The following TMEM144 variants were observed in gnomAD, a reference collection of about 807,000 sequenced individuals.
TMEM144 encodes transmembrane protein 144.
In TMEM144, 39 loss-of-function variants were observed where a neutral mutation model predicts 43.6. That is an observed-to-expected ratio of 0.90 (90% CI 0.69 to 1.17). TMEM144 has a LOEUF of 1.17. Among genes scored for constraint, TMEM144 ranks in the 50% most tolerant of loss-of-function variants. The pLI is 0.00. For synonymous variants in TMEM144, 154 were observed against 133.6 expected, an observed-to-expected ratio of 1.15 and a Z score of -1.06; for missense variants, 417 against 411.9, an observed-to-expected ratio of 1.01 and a Z score of -0.11.
chr4:158,244,419 C>T, intron 12 of TMEM144, 70 bp downstream of exon 12: 2 of 1,333,706 alleles, frequency 1.5e-6, no homozygotes, highest in Non-Finnish European at 2.1e-6. Context: ...TCACGCTTGT[C>T]CTGGCACTTT....
At chr4:158,248,044 T>C (rs1442510765) in intron 12 of TMEM144, among the ~76,000 whole-genome samples, 2 of 11,400 alleles carry the variant, frequency 1.8e-4, no homozygotes, top group Non-Finnish European at 7.1e-4. Flanking sequence ...CTGTTTGCTC[T>C]TTTCTGTTTT....
At chr4:158,232,772 C>T in intron 6 of TMEM144, 129 bp from the exon 7 acceptor site, 1 of 642,414 alleles carries the variant, frequency 1.6e-6, no homozygotes, top group East Asian at 3.0e-5. Context: ...ACTGAAGGGG[C>T]AATTTGAAAG....
chr4:158,230,368 A>G (rs1735015661), intron 6 of TMEM144, among the ~76,000 whole-genome samples: 1 of 152,154 alleles, frequency 6.6e-6, no homozygotes, highest in Non-Finnish European at 1.5e-5. Flanking sequence ...GGAGTCACAC[A>G]CTAATTATCA....
chr4:158,216,262 C>G (rs1734217035), intron 4 of TMEM144, among the ~76,000 whole-genome samples: 1 of 151,842 alleles, frequency 6.6e-6, no homozygotes, highest in Admixed American at 6.6e-5. Flanking sequence ...GGGAAAGAGT[C>G]CAATTTGAGA....
intron 11 of TMEM144, 99 bp downstream of exon 11, chr4:158,241,705 T>A: frequency 1.1e-6 from 1 of 896,816 alleles, no homozygotes; most frequent in South Asian, 1.6e-5. Context: ...GTCATGGAGT[T>A]TGATTTTTTA....
chr4:158,228,308 A>T (rs1161155898), intron 6 of TMEM144, among the ~76,000 whole-genome samples: 1 of 152,204 alleles, frequency 6.6e-6, no homozygotes, highest in Non-Finnish European at 1.5e-5. Flanking sequence ...TGATCAGGCC[A>T]CGCTTCCACT....
At chr4:158,238,495 TTTGTTAAAA>T (rs1735468919) in intron 9 of TMEM144, among the ~76,000 whole-genome samples, 1 of 152,216 alleles carries the variant, frequency 6.6e-6, no homozygotes. Context: ...CTGTCTTTCT[TTTGTTAAAA>T]TTTTATACAA....
At chr4:158,212,955 A>G (rs1734035267) in intron 3 of TMEM144, 179 bp downstream of exon 3, 1 of 632,604 alleles carries the variant, frequency 1.6e-6, no homozygotes, top group Non-Finnish European at 2.8e-6. Context: ...TCAGAATAGG[A>G]GAACCATTAA....
At chr4:158,240,470 C>A (rs147917911) in intron 10 of TMEM144, 52 bp downstream of exon 10, 3 of 1,536,194 alleles carry the variant, frequency 2.0e-6, no homozygotes, top group Non-Finnish European at 2.6e-6. Context: ...TCATCTACAA[C>A]TCATTTAACT....
chr4:158,215,114 T>TTGTGGC, intron 3 of TMEM144, 77 bp from the exon 4 acceptor site: 1 of 1,586,316 alleles, frequency 6.3e-7, no homozygotes, highest in Non-Finnish European at 8.6e-7. Flanking sequence ...TCCTGTAATA[T>TTGTGGC]CACCTCATAG....
rs917995694 is a variant in TMEM144 at position 158,230,812 on chromosome 4, G to A, written c.414-2089G>A. ...TGATAACTTTCTTCCCTATCATAAG[G>A]GTCATGGCTGACACTCCTATAATAA... is the stretch of plus-strand genomic sequence containing the variant. On this transcript the variant is annotated intron_variant, in intron 6 of 12. Transcript: ENST00000296529. Among the ~76,000 whole-genome samples the A allele has an allele frequency of 2.0e-5, 3 of 151,946 alleles. No homozygotes were observed. The East Asian group carries it at 5.8e-4, about 29-fold the overall frequency.
At chr4:158,231,528 G>A (rs1260581321) in intron 6 of TMEM144, among the ~76,000 whole-genome samples, 3 of 152,162 alleles carry the variant, frequency 2.0e-5, no homozygotes, top group Admixed American at 6.5e-5. Context: ...TAGATTGTGT[G>A]GTAACTATTC....
At chr4:158,233,738 T>C (rs1735202451) in intron 7 of TMEM144, 1 of 152,288 alleles carries the variant, frequency 6.6e-6, no homozygotes, top group South Asian at 2.1e-4. Flanking sequence ...ATTTACCCCT[T>C]ACTTCAAAAT....
chr4:158,240,160 C>G (rs980401845), intron 9 of TMEM144, 139 bp from the exon 10 acceptor site: 37 of 929,642 alleles, frequency 4.0e-5, no homozygotes, highest in Non-Finnish European at 4.9e-5. Flanking sequence ...GCTAGGATTA[C>G]AGGTGTGAGC....
intron 7 of TMEM144, 86 bp downstream of exon 7, chr4:158,233,068 A>T (rs2111130061): frequency 1.9e-6 from 2 of 1,069,456 alleles, no homozygotes; most frequent in South Asian, 3.2e-5. Flanking sequence ...CAGATGAAAA[A>T]GTGGTGTTTG....
At chr4:158,230,016 A>G (rs1179983515) in intron 6 of TMEM144, among the ~76,000 whole-genome samples, 1 of 152,152 alleles carries the variant, frequency 6.6e-6, no homozygotes, top group African/African-American at 2.4e-5. Context: ...GGTACTGGTC[A>G]CCCCTCCCTT....
intron 5 of TMEM144, 68 bp from the exon 6 acceptor site, chr4:158,219,242 A>G (rs1734388089): frequency 6.6e-7 from 1 of 1,514,368 alleles, no homozygotes. Flanking sequence ...CCCCTAGTCC[A>G]TGCCCTTAAA....
In TMEM144 at chr4:158,224,822, G is replaced by A. The variant is rs547767092; in HGVS notation, c.413+5432G>A. On this transcript the variant is annotated intron_variant, in intron 6 of 12. Transcript: ENST00000296529. ...CTTCAGAGTCACTTTGCAGGGGTTG[G>A]CGAAGCTGCTCTCATCCACGTACAG... Among the ~76,000 whole-genome samples, 23 of 152,248 alleles carry A rather than the reference G, an allele frequency of 1.5e-4. 3 individuals are homozygous for A. The South Asian group carries it at 3.9e-3, about 26-fold the overall frequency.
Position 158,212,623 on chromosome 4 carries a change from A to T in TMEM144, c.-45A>T. ...TTTATTTCAGAAGCTCCTGAAAAGT[A>T]CATCAAGTCTAAAGTGAACCAGCTA... On this transcript the variant is annotated 5_prime_UTR_variant, in exon 3 of 13. Coordinates refer to ENST00000296529, the MANE Select transcript of TMEM144 (RefSeq NM_018342.5). 2 of 1,401,912 alleles carry T rather than the reference A, an allele frequency of 1.4e-6. No homozygotes were observed. The highest frequency in any genetic ancestry group is 2.0e-6 in the Non-Finnish European group (2 of 1,018,888). 86.8% of individuals were successfully genotyped at this position (1,401,912 alleles called of 1,614,324 possible). A position where few individuals can be genotyped will look rare whatever the true frequency, so the allele number is the denominator to read the frequency against.
Sources: allele counts gnomAD v4.1 joint callset (sites outside exome capture counted in the v4.1 genomes callset), GRCh38; gene constraint gnomAD v4.1.1; transcripts MANE v1.5; gene names NCBI Gene and HGNC (gene_info 2026-07-23, HGNC 2026-07-21).